The following SEMA6D variants were observed in gnomAD, a reference collection of about 807,000 sequenced individuals.
The protein encoded by SEMA6D is semaphorin-6D.
SEMA6D carries 35 observed loss-of-function variants against 106.6 expected under a neutral mutation model. The ratio of observed to expected loss-of-function variants is 0.33; its 90% CI spans 0.25 to 0.44. SEMA6D has a LOEUF of 0.44. Among genes scored for constraint, SEMA6D ranks in the 20% least tolerant of loss-of-function variants. The probability of loss-of-function intolerance (pLI) is 1.00; values close to 1 mark genes in which losing one functional copy is unlikely to be tolerated. For missense variants in SEMA6D, 1,185 were observed against 1,345.9 expected, an observed-to-expected ratio of 0.88 and a Z score of 1.87; for synonymous variants, 499 against 487.7, an observed-to-expected ratio of 1.02 and a Z score of -0.31.
intron 4 of SEMA6D, among the ~76,000 whole-genome samples, chr15:47,670,163 TAGTC>T (rs1446749374): frequency 1.3e-5 from 2 of 152,190 alleles, no homozygotes; most frequent in Non-Finnish European, 2.9e-5. Flanking sequence ...AAAATAGAAT[TAGTC>T]AGTCCCTTCT....
At chr15:47,760,237 C>A in intron 2 of SEMA6D, 67 bp from the exon 3 acceptor site, 2 of 1,089,564 alleles carry the variant, frequency 1.8e-6, no homozygotes, top group Non-Finnish European at 2.8e-6. Flanking sequence ...TACAGCTAAT[C>A]AATGCTGTTT....
At chr15:47,415,496 G>GC (rs1567063776) in intron 2 of SEMA6D, among the ~76,000 whole-genome samples, 1 of 151,954 alleles carries the variant, frequency 6.6e-6, no homozygotes. Context: ...GTATCTTCCT[G>GC]CCCCTTCTCC....
chr15:47,482,653 A>T (rs765063823), intron 3 of SEMA6D, among the ~76,000 whole-genome samples: 42 of 152,128 alleles, frequency 2.8e-4, no homozygotes, highest in Non-Finnish European at 5.4e-4. Flanking sequence ...ACATGGACAT[A>T]GGGTATGAGG....
intron 2 of SEMA6D, among the ~76,000 whole-genome samples, chr15:47,422,413 AAC>A (rs2041201644): frequency 6.6e-6 from 1 of 152,166 alleles, no homozygotes; most frequent in South Asian, 2.1e-4. Flanking sequence ...ACCTTTTCAA[AAC>A]AGTTGGGTAT....
intron 3 of SEMA6D, among the ~76,000 whole-genome samples, chr15:47,564,553 T>C (rs906340715): frequency 1.3e-5 from 2 of 152,320 alleles, no homozygotes; most frequent in African/African-American, 4.8e-5. Context: ...AGTCTTCATC[T>C]AATCCCACTT....
intron 3 of SEMA6D, among the ~76,000 whole-genome samples, chr15:47,478,705 T>C (rs1011511825): frequency 6.6e-6 from 1 of 152,160 alleles, no homozygotes; most frequent in African/African-American, 2.4e-5. Flanking sequence ...GGCAAGAGAA[T>C]AATGAACACA....
At chr15:47,548,497 G>A (rs990799359) in intron 3 of SEMA6D, among the ~76,000 whole-genome samples, 7 of 152,124 alleles carry the variant, frequency 4.6e-5, no homozygotes, top group African/African-American at 1.7e-4. Flanking sequence ...TATGGAACAA[G>A]CCATTGCTCT....
intron 1 of SEMA6D, among the ~76,000 whole-genome samples, chr15:47,353,408 A>G (rs117355713): frequency 3.9e-3 from 600 of 152,234 alleles, no homozygotes; most frequent in Non-Finnish European, 6.9e-3. Flanking sequence ...TTTTTCTTAC[A>G]CTTTTCCCTA....
At chr15:47,336,946 C>A (rs1715721761) in intron 1 of SEMA6D, among the ~76,000 whole-genome samples, 1 of 152,064 alleles carries the variant, frequency 6.6e-6, no homozygotes, top group African/African-American at 2.4e-5. Context: ...TCCTGTTTTC[C>A]TAACAGTAAT....
intron 4 of SEMA6D, among the ~76,000 whole-genome samples, chr15:47,706,219 A>T (rs1346662175): frequency 6.6e-6 from 1 of 152,216 alleles, no homozygotes; most frequent in East Asian, 1.9e-4. Context: ...GAATAAAAGT[A>T]TAAATTTGTC....
chr15:47,451,435 G>T (rs1454859618), intron 2 of SEMA6D, among the ~76,000 whole-genome samples: 1 of 151,986 alleles, frequency 6.6e-6, no homozygotes, highest in Non-Finnish European at 1.5e-5. Flanking sequence ...ATCAATCACA[G>T]CTTCCCAATA....
At chr15:47,356,146 C>T (rs1189021042) in intron 1 of SEMA6D, among the ~76,000 whole-genome samples, 1 of 152,104 alleles carries the variant, frequency 6.6e-6, no homozygotes, top group African/African-American at 2.4e-5. Context: ...TCTTCTTACC[C>T]TTTTTTAAAT....
At chr15:47,756,834 T>C (rs8025861) in intron 1 of SEMA6D, among the ~76,000 whole-genome samples, 104,695 of 151,336 alleles carry the variant, frequency 0.69, 37,388 homozygotes, top group African/African-American at 0.87. Flanking sequence ...CCCACCCAGC[T>C]TTTGCAATAT....
intron 1 of SEMA6D, among the ~76,000 whole-genome samples, chr15:47,281,655 A>G (rs1304498269): frequency 6.6e-6 from 1 of 152,146 alleles, no homozygotes; most frequent in Non-Finnish European, 1.5e-5. Context: ...ATGATTTTGC[A>G]GCAGCTGGTA....
intron 1 of SEMA6D, among the ~76,000 whole-genome samples, chr15:47,407,782 G>C (rs992246223): frequency 1.3e-5 from 2 of 152,224 alleles, no homozygotes; most frequent in Non-Finnish European, 2.9e-5. Flanking sequence ...GAGACTTAAA[G>C]ATTTAGCATG....
intron 4 of SEMA6D, among the ~76,000 whole-genome samples, chr15:47,668,519 A>G (rs1355649040): frequency 3.9e-5 from 6 of 152,212 alleles, no homozygotes; most frequent in Admixed American, 1.3e-4. Context: ...TCAATGAGAT[A>G]AAGTCCACCC....
At chr15:47,725,165 A>G (rs115422193) in intron 1 of SEMA6D, among the ~76,000 whole-genome samples, 99 of 152,334 alleles carry the variant, frequency 6.5e-4, no homozygotes, top group African/African-American at 2.3e-3. Flanking sequence ...TATTGAAACC[A>G]TGCTCATATG....
chr15:47,567,688 A>G (rs557500703), intron 3 of SEMA6D, among the ~76,000 whole-genome samples: 13 of 152,136 alleles, frequency 8.5e-5, no homozygotes, highest in East Asian at 1.9e-4. Flanking sequence ...ATAACTGTCT[A>G]ATATTACAGT....
At chr15:47,445,107 T>C (rs1018583239) in intron 2 of SEMA6D, among the ~76,000 whole-genome samples, 1 of 152,084 alleles carries the variant, frequency 6.6e-6, no homozygotes, top group Non-Finnish European at 1.5e-5. Context: ...AGACACTCCT[T>C]CTCTTCTCTC....
Sources: allele counts gnomAD v4.1 joint callset (sites outside exome capture counted in the v4.1 genomes callset), GRCh38; gene constraint gnomAD v4.1.1; transcripts MANE v1.5; gene names NCBI Gene and HGNC (gene_info 2026-07-23, HGNC 2026-07-21).